Variants in ACRBP observed in about 807,000 individuals in gnomAD.
The protein encoded by ACRBP is acrosin binding protein.
Under a neutral mutation model 69.0 loss-of-function variants are expected in ACRBP, and 52 were observed. The observed-to-expected ratio is 0.75, with a 90% CI of 0.60 to 0.95. The LOEUF (loss-of-function observed/expected upper bound fraction) is 0.95, where lower values mean the gene tolerates loss of function less well. Ranked by LOEUF, ACRBP falls within the 40% of genes least tolerant of loss-of-function variation. ACRBP has a pLI of 0.00. For synonymous variants in ACRBP, 267 were observed against 258.9 expected (o/e 1.03, Z -0.30); for missense variants, 604 against 673.0 (o/e 0.90, Z 1.13).
chr12:6,642,026 T>C (rs1457657436), intron 6 of ACRBP, among the ~76,000 whole-genome samples: 1 of 152,202 alleles, frequency 6.6e-6, no homozygotes, highest in Non-Finnish European at 1.5e-5. Context: ...AAACATCAGT[T>C]CTTCTTGGAA....
In ACRBP at chr12:6,646,989, C is replaced by T; in HGVS notation, c.67G>A (p.Ala23Thr). Residue 23 changes from alanine (A) to threonine (T), a missense_variant, in exon 2 of 10, where the codon GCC (alanine) becomes ACC (threonine). Coordinates refer to ENST00000229243, the MANE Select transcript of ACRBP (RefSeq NM_032489.3). Reference protein sequence around the residue: ...LKVLLLPLAPAAAQDSTQAST... With the variant: ...LKVLLLPLAPTAAQDSTQAST... ...GCCTGAGTCGAATCCTGGGCTGCGG[C>T]AGGTGCCAGAGGCAGGAGCAGCACT... The T allele has an allele frequency of 1.2e-6, 2 of 1,611,238 alleles. No homozygotes were observed. Among genetic ancestry groups the T allele is most frequent in the Non-Finnish European group, 1.7e-6 (2 of 1,179,936 alleles).
chr12:6,644,780 G>A (rs1374212396), intron 4 of ACRBP, among the ~76,000 whole-genome samples, 175 bp from the exon 5 acceptor site: 1 of 152,168 alleles, frequency 6.6e-6, no homozygotes, highest in Admixed American at 6.6e-5. Context: ...CACGGCAACT[G>A]TAAGGCTGGT....
intron 8 of ACRBP, among the ~76,000 whole-genome samples, chr12:6,639,470 T>G (rs1445730861): frequency 1.3e-5 from 2 of 152,218 alleles, no homozygotes; most frequent in Admixed American, 6.5e-5. Context: ...GGACAAGAGC[T>G]GGACATGGGC....
In ACRBP at chr12:6,640,317, C is replaced by T. The variant is rs1327701670; in HGVS notation, c.1257+26G>A. 1.2e-5 allele frequency: 20 copies of T among 1,613,928 alleles called. No individual in the cohort carries two copies. The highest frequency in any genetic ancestry group is 1.6e-5 in the Non-Finnish European group (19 of 1,179,868). On this transcript the variant is annotated intron_variant, in intron 7 of 9. Coordinates refer to ENST00000229243, the MANE Select transcript of ACRBP (RefSeq NM_032489.3). The surrounding 1 kb of genome is among the most constrained non-coding windows in gnomAD (Gnocchi z 5.3). ...CCCCTGCCACCCAGTTCTGCCTTTC[C>T]CACTGCGGGCTGCCGGGCTAGATAC...
chr12:6,646,674 G>A (rs1475351199), intron 2 of ACRBP, 97 bp from the exon 3 acceptor site: 10 of 1,506,070 alleles, frequency 6.6e-6, no homozygotes, highest in Admixed American at 1.7e-5. Flanking sequence ...TGGAGAGTAC[G>A]AGCTCATGGT....
At chr12:6,643,419 A>C in intron 6 of ACRBP, 120 bp downstream of exon 6, 2 of 1,378,216 alleles carry the variant, frequency 1.5e-6, no homozygotes, top group Non-Finnish European at 2.0e-6. Context: ...ACTTGGAGAG[A>C]ATCTCTCCAG....
chr12:6,638,910 T>C (rs936186006), intron 9 of ACRBP, 44 bp downstream of exon 9: 5 of 1,605,408 alleles, frequency 3.1e-6, no homozygotes, highest in Non-Finnish European at 4.3e-6. Flanking sequence ...GGTGACTGAT[T>C]GAGGGGGTGC....
Position 6,644,227 on chromosome 12 carries a change from A to C in ACRBP, c.854T>G (p.Ile285Ser). The C allele has an allele frequency of 1.2e-6, 2 of 1,613,942 alleles. No homozygotes were observed. The highest frequency in any genetic ancestry group is 1.7e-6 in the Non-Finnish European group (2 of 1,179,906). ...CTGGGCTGATCGAATGAGCTCCTGG[A>C]TGTTCTCCATTATCATAGGAGTAGA... ...VESTPMIMEN[I>S]QELIRSAQEI... The change falls in exon 5 of 10, where the codon ATC becomes AGC. Residue 285 changes from isoleucine to serine, a missense_variant. This residue lies in a region of ACRBP where 532 missense variants were observed against 562.9 expected (regional missense o/e 0.95). Transcript: ENST00000229243.
At chr12:6,639,611 G>C (rs368531624) in intron 8 of ACRBP, among the ~76,000 whole-genome samples, 1 of 152,212 alleles carries the variant, frequency 6.6e-6, no homozygotes, top group South Asian at 2.1e-4. Context: ...GTAACTCAGG[G>C]GAACGGGGAG....
In ACRBP at chr12:6,641,651, G is replaced by A. The variant is rs1042731598; in HGVS notation, c.1078-1129C>T. Among the ~76,000 whole-genome samples, 9 of 152,144 alleles carry A rather than the reference G, an allele frequency of 5.9e-5. No homozygotes were observed. The East Asian group carries it at 1.5e-3, about 26-fold the overall frequency. On this transcript the variant is annotated intron_variant, in intron 6 of 9. Transcript: ENST00000229243. ...GAACCTCACCGACCACACTCCCTTTGTAATATTACTGTATCCATATTAACT... is the reference window on the plus strand; with the variant it reads ...GAACCTCACCGACCACACTCCCTTTATAATATTACTGTATCCATATTAACT...
chr12:6,638,688 T>TC, intron 9 of ACRBP: 1 of 1,423,386 alleles, frequency 7.0e-7, no homozygotes, highest in South Asian at 1.5e-5. Context: ...GACCTCAACG[T>TC]CCAAGTCCTG....
intron 4 of ACRBP, 80 bp from the exon 5 acceptor site, chr12:6,644,685 C>T (rs1252129130): frequency 2.0e-6 from 3 of 1,515,304 alleles, no homozygotes; most frequent in Admixed American, 4.6e-5. Context: ...GAGGGACACA[C>T]ACATAAACAA....
Position 6,644,496 on chromosome 12 carries a change from G to C in ACRBP, c.585C>G (p.His195Gln). The C allele has an allele frequency of 6.2e-7, 1 of 1,613,872 alleles. No homozygotes were observed. ...SLGGQEQAPE[H>Q]KQEQGVEHRQ... ...TGTGCTCCACTCCTTGCTCCTGCTT[G>C]TGCTCTGGCGCTTGCTCCTGGCCTC... Residue 195 changes from histidine to glutamine, a missense_variant, in exon 5 of 10, where the codon CAC becomes CAG. Physicochemically the swap from His to Gln is conservative, Grantham distance 24 (BLOSUM62 0). Around this residue, in one of 3 missense-constraint regions of ACRBP, gnomAD observed 532 missense variants for 562.9 expected, o/e 0.95. Coordinates refer to ENST00000229243, the MANE Select transcript of ACRBP (RefSeq NM_032489.3).
chr12:6,641,023 C>CCCTA (rs1949049010), intron 6 of ACRBP, among the ~76,000 whole-genome samples: 1 of 152,200 alleles, frequency 6.6e-6, no homozygotes, highest in Non-Finnish European at 1.5e-5. Flanking sequence ...AGCAGAGATA[C>CCCTA]TAATATTACT....
Position 6,646,973 on chromosome 12 carries a change from G to A in ACRBP, c.83C>T (p.Ser28Leu). 1 of 1,612,654 alleles carries A rather than the reference G, an allele frequency of 6.2e-7. No homozygotes were observed. Among genetic ancestry groups the A allele is most frequent in the Non-Finnish European group, 8.5e-7 (1 of 1,180,006 alleles). ...LPLAPAAAQD[S>L]TQASTPGSPL... is the part of the protein sequence containing the mutation. ...GCTGCCTGGAGTGGAGGCCTGAGTCGAATCCTGGGCTGCGGCAGGTGCCAG... is the reference window on the plus strand; with the variant it reads ...GCTGCCTGGAGTGGAGGCCTGAGTCAAATCCTGGGCTGCGGCAGGTGCCAG... Residue 28 changes from serine to leucine, a missense_variant, in exon 2 of 10, where the codon TCG becomes TTG. By Grantham distance (145) the Ser-to-Leu change is moderately radical. Coordinates refer to ENST00000229243, the MANE Select transcript of ACRBP (RefSeq NM_032489.3).
intron 2 of ACRBP, 96 bp downstream of exon 2, chr12:6,646,698 T>C: frequency 1.3e-6 from 2 of 1,535,870 alleles, no homozygotes; most frequent in Non-Finnish European, 1.8e-6. Flanking sequence ...GTGCCAGCCA[T>C]GCCCTTCCCC....
intron 8 of ACRBP, among the ~76,000 whole-genome samples, chr12:6,639,497 C>T (rs1300592925): frequency 5.3e-5 from 8 of 152,258 alleles, no homozygotes; most frequent in Non-Finnish European, 1.0e-4. Context: ...GCTCAGCTAC[C>T]AGCCCTTGCT....
chr12:6,643,619 C>A lies in ACRBP; in HGVS notation c.997G>T (p.Val333Leu). Residue 333 changes from valine (V) to leucine (L), a missense_variant, in exon 6 of 10, where the codon GTG (valine) becomes TTG (leucine). Transcript: ENST00000229243. ...GGGGTTATGATGCAGGTATTCTCCACGATCGAATAGCACAGCACCAGCAAG... is the reference window on the plus strand; with the variant it reads ...GGGGTTATGATGCAGGTATTCTCCAAGATCGAATAGCACAGCACCAGCAAG... ...EALLVLCYSI[V>L]ENTCIITPTA... The A allele has an allele frequency of 6.2e-7, 1 of 1,614,228 alleles. No homozygotes were observed. The highest frequency in any genetic ancestry group is 8.5e-7 in the Non-Finnish European group (1 of 1,180,046).
At position 6,639,049 on chromosome 12, in the gene ACRBP, G is replaced by A. The variant is rs1480069666; in HGVS notation, c.1426-12C>T. 9 of 1,610,798 alleles carry A rather than the reference G, an allele frequency of 5.6e-6. No homozygotes were observed. The highest frequency in any genetic ancestry group is 1.7e-5 in the Admixed American group (1 of 60,002). On this transcript the variant is annotated splice_polypyrimidine_tract_variant and intron_variant, in intron 8 of 9. Transcript: ENST00000229243. Reference sequence around the variant, plus strand: ...TCTGTGTCACAAATCTAAGCCAAGAGCCAGAGAGAGGGAAGAGGGTATCAG... The same window carrying A: ...TCTGTGTCACAAATCTAAGCCAAGAACCAGAGAGAGGGAAGAGGGTATCAG...
Sources: allele counts gnomAD v4.1 joint callset (sites outside exome capture counted in the v4.1 genomes callset), GRCh38; gene constraint gnomAD v4.1.1; regional missense constraint gnomAD v4.1.1; non-coding constraint Gnocchi (gnomAD v3.1); transcripts MANE v1.5; gene names NCBI Gene and HGNC (gene_info 2026-07-23, HGNC 2026-07-21).